Variants in ARHGEF17 observed in about 807,000 individuals in gnomAD.
ARHGEF17 encodes Rho guanine nucleotide exchange factor 17, also known as 164 kDa Rho-specific guanine-nucleotide exchange factor.
A neutral mutation model predicts 174.0 loss-of-function variants in ARHGEF17; 80 were observed. The observed-to-expected ratio is 0.46, with a 90% CI of 0.38 to 0.55. The LOEUF is 0.55. ARHGEF17 is among the 20% of genes least tolerant of loss of function. The pLI, the probability that ARHGEF17 is intolerant of heterozygous loss-of-function variation, is 0.00. For missense variants in ARHGEF17, 2,886 were observed against 2,839.7 expected, an observed-to-expected ratio of 1.02 and a Z score of -0.37; for synonymous variants, 1,311 against 1,189.1, an observed-to-expected ratio of 1.10 and a Z score of -2.11.
Position 73,311,171 on chromosome 11 carries a change from C to T in ARHGEF17, c.2533C>T (p.Pro845Ser). 6.3e-7 allele frequency: 1 copy of T among 1,597,250 alleles called. No individual in the cohort carries two copies. The highest frequency in any genetic ancestry group is 1.1e-5 in the South Asian group (1 of 89,526). ...GELAGPGFEG[P>S]GGEPIREVEP... ...GCTGGCTGGGCCTGGATTCGAGGGC[C>T]CTGGAGGGGAGCCCATCCGAGAAGT... The change falls in exon 1 of 21, where the codon CCT becomes TCT. Residue 845 changes from proline to serine, a missense_variant. By Grantham distance (74) the Pro-to-Ser change is moderately conservative. Coordinates refer to ENST00000263674, the MANE Select transcript of ARHGEF17 (RefSeq NM_014786.4).
intron 1 of ARHGEF17, among the ~76,000 whole-genome samples, chr11:73,339,273 G>T (rs1865332189): frequency 6.6e-6 from 1 of 152,146 alleles, no homozygotes; most frequent in Non-Finnish European, 1.5e-5. Flanking sequence ...TGCTCTATAA[G>T]TATTTATTGA....
intron 14 of ARHGEF17, 114 bp downstream of exon 14, chr11:73,362,848 G>A: frequency 7.6e-7 from 1 of 1,311,894 alleles, no homozygotes; most frequent in Non-Finnish European, 1.0e-6. Flanking sequence ...ACCTCAGGAT[G>A]TTAGCACACA....
intron 1 of ARHGEF17, among the ~76,000 whole-genome samples, chr11:73,313,436 A>G (rs968961315): frequency 2.6e-5 from 4 of 152,166 alleles, no homozygotes; most frequent in African/African-American, 9.7e-5. Flanking sequence ...GAGTAAACCA[A>G]GGGACTCAGG....
At chr11:73,342,289 C>T (rs1328443260) in intron 1 of ARHGEF17, among the ~76,000 whole-genome samples, 3 of 151,950 alleles carry the variant, frequency 2.0e-5, no homozygotes, top group Admixed American at 6.6e-5. Flanking sequence ...AAGCTGGATC[C>T]GGGCAGGGGT....
chr11:73,347,088 G>C, intron 2 of ARHGEF17, 128 bp downstream of exon 2: 1 of 932,582 alleles, frequency 1.1e-6, no homozygotes, highest in Non-Finnish European at 1.7e-6. Flanking sequence ...GGCATCCGTC[G>C]CCTTTCCATG....
At chr11:73,362,924 A>G (rs1021437684) in intron 14 of ARHGEF17, among the ~76,000 whole-genome samples, 190 bp downstream of exon 14, 1 of 152,230 alleles carries the variant, frequency 6.6e-6, no homozygotes, top group African/African-American at 2.4e-5. Flanking sequence ...AGGCGGGATC[A>G]TGAAGACCCT....
In ARHGEF17 at chr11:73,367,934, A is replaced by G; in HGVS notation, c.*154A>G. The G allele has an allele frequency of 1.3e-6, 1 of 793,634 alleles. No individual in the cohort carries two copies. The allele number at this position is 793,634 out of a possible 1,614,324, so 49.2% of individuals were successfully genotyped here. Reference sequence around the variant, plus strand: ...CCTTGTCTTCGCGGAAGCATTCCTGATGGAACACCCACTGGCCAGCCAGGC... The same window carrying G: ...CCTTGTCTTCGCGGAAGCATTCCTGGTGGAACACCCACTGGCCAGCCAGGC... On this transcript the variant is annotated 3_prime_UTR_variant, in exon 21 of 21. Transcript: ENST00000263674.
rs772750197 is a variant in ARHGEF17, at chr11:73,309,684, C to T, written c.1046C>T (p.Pro349Leu). 1.4e-5 allele frequency: 22 copies of T among 1,612,948 alleles called. No homozygotes were observed. The South Asian group carries it at 1.5e-4, about 11-fold the overall frequency. The change falls in exon 1 of 21, where the codon CCG (proline) becomes CTG (leucine). Residue 349 changes from proline (P) to leucine (L), a missense_variant. Around this residue, in one of 4 missense-constraint regions of ARHGEF17, gnomAD observed 1,728 missense variants for 1,461.2 expected, o/e 1.18. Transcript: ENST00000263674. ...EGLREWGSGS[P>L]PCVPGPQEGL... ...CTCCGGGAGTGGGGTAGTGGCTCTC[C>T]GCCCTGCGTCCCAGGTCCCCAGGAG...
chr11:73,350,944 G>A (rs1180277896), intron 2 of ARHGEF17, among the ~76,000 whole-genome samples: 1 of 152,268 alleles, frequency 6.6e-6, no homozygotes, highest in Non-Finnish European at 1.5e-5. Flanking sequence ...TGGGCAGGCT[G>A]AGCATTGGTG....
In ARHGEF17 at chr11:73,308,831, C is replaced by A; in HGVS notation, c.193C>A (p.Pro65Thr). ...SRRVSKLASG[P>T]LAAPAQPRPL... ...GCGCGTGTCCAAGCTGGCGTCTGGG[C>A]CCCTGGCCGCCCCCGCGCAGCCGCG... The change falls in exon 1 of 21, where the codon CCC becomes ACC. Residue 65 changes from proline (P) to threonine (T), a missense_variant. Physicochemically the swap from Pro to Thr is conservative, Grantham distance 38. Coordinates refer to ENST00000263674, the MANE Select transcript of ARHGEF17 (RefSeq NM_014786.4). 1 of 1,340,326 alleles carries A rather than the reference C, an allele frequency of 7.5e-7. No homozygotes were observed. The highest frequency in any genetic ancestry group is 1.9e-5 in the South Asian group (1 of 52,122). 83.0% of individuals were successfully genotyped at this position (1,340,326 alleles called of 1,614,324 possible). A position where few individuals can be genotyped will look rare whatever the true frequency, so the allele number is the denominator to read the frequency against.
At position 73,310,342 on chromosome 11, in the gene ARHGEF17, C is replaced by T. The variant is rs1470170407; in HGVS notation, c.1704C>T (p.Ser568=). 3 of 1,613,844 alleles carry T rather than the reference C, an allele frequency of 1.9e-6. No homozygotes were observed. The highest frequency in any genetic ancestry group is 2.2e-5 in the South Asian group (2 of 91,092). Residue 568 remains serine (S), a synonymous_variant, in exon 1 of 21, where the codon TCC becomes TCT. Coordinates refer to ENST00000263674, the MANE Select transcript of ARHGEF17 (RefSeq NM_014786.4). ...LPRTSALKSS[S]SELLLTGPGA... The stretch of plus-strand genomic sequence containing the variant: ...GCACCAGTGCTCTGAAGTCCAGCTC[C>T]TCCGAGCTCCTGCTCACAGGCCCTG...
chr11:73,312,655 T>C (rs150049285), intron 1 of ARHGEF17, among the ~76,000 whole-genome samples: 708 of 151,866 alleles, frequency 4.7e-3, no homozygotes, highest in Middle Eastern at 0.014. Context: ...CTGCAGAGGC[T>C]GGGCAGCCAG....
At chr11:73,321,956 G>A (rs545169196) in intron 1 of ARHGEF17, among the ~76,000 whole-genome samples, 2 of 152,254 alleles carry the variant, frequency 1.3e-5, no homozygotes, top group East Asian at 3.9e-4. Context: ...CCCTGCTCCC[G>A]CACAGCGCTG....
chr11:73,333,924 A>G (rs1865248478), intron 1 of ARHGEF17, among the ~76,000 whole-genome samples: 1 of 152,198 alleles, frequency 6.6e-6, no homozygotes. Flanking sequence ...TCAAGAGAGG[A>G]TTGAACATGG....
At position 73,329,405 on chromosome 11, in the gene ARHGEF17, G is replaced by GT. The variant is rs1362065435; in HGVS notation, c.3193-17466dup. 6.2e-3 allele frequency among the ~76,000 whole-genome samples: 280 copies of GT among 44,912 alleles called. 19 individuals are homozygous for GT. Among genetic ancestry groups the GT allele is most frequent in the Middle Eastern group, 0.019 (1 of 54 alleles). 29.5% of individuals were successfully genotyped at this position (44,912 alleles called of 152,430 possible). ...TTTTTTTTTTGTATTTTGGGTTTTT[G>GT]TTTTTTTTTTTTGAGACGGAGTCTC... is the stretch of plus-strand genomic sequence containing the variant. On this transcript the variant is annotated intron_variant, in intron 1 of 20. Transcript: ENST00000263674.
chr11:73,320,195 G>A (rs1189530941), intron 1 of ARHGEF17, among the ~76,000 whole-genome samples: 1 of 152,064 alleles, frequency 6.6e-6, no homozygotes. Flanking sequence ...TCAGGGAGGT[G>A]GCATGTGGAG....
chr11:73,312,891 T>G (rs1864864765), intron 1 of ARHGEF17, among the ~76,000 whole-genome samples: 1 of 152,148 alleles, frequency 6.6e-6, no homozygotes. Flanking sequence ...CAGCTATCCC[T>G]GGAGTTTAGG....
intron 1 of ARHGEF17, among the ~76,000 whole-genome samples, chr11:73,336,205 C>T (rs1391236473): frequency 2.6e-5 from 4 of 152,236 alleles, no homozygotes; most frequent in Non-Finnish European, 5.9e-5. Flanking sequence ...TTCATAACCT[C>T]AGGCAAGTTG....
At position 73,330,049 on chromosome 11, in the gene ARHGEF17, A is replaced by G. The variant is rs76207356; in HGVS notation, c.3193-16834A>G. 7.0e-3 allele frequency among the ~76,000 whole-genome samples: 1,073 copies of G among 152,304 alleles called. 10 individuals are homozygous for G. The highest frequency in any genetic ancestry group is 0.025 in the African/African-American group (1,040 of 41,546). On this transcript the variant is annotated intron_variant, in intron 1 of 20. Transcript: ENST00000263674. ...GGTTGAGCATCTTTTTCTATCTCCA[A>G]GAGACATATGGATTCCCGTTTCTGT...
Sources: allele counts gnomAD v4.1 joint callset (sites outside exome capture counted in the v4.1 genomes callset), GRCh38; gene constraint gnomAD v4.1.1; regional missense constraint gnomAD v4.1.1; transcripts MANE v1.5; gene names NCBI Gene and HGNC (gene_info 2026-07-23, HGNC 2026-07-21).